PHF24: variants seen among roughly 807,000 people sequenced by gnomAD.
PHF24 encodes the protein Galpha inhibitory interacting protein.
Under a neutral mutation model 42.6 loss-of-function variants are expected in PHF24, and 25 were observed. The observed-to-expected ratio is 0.59, with a 90% CI of 0.43 to 0.82. PHF24 has a LOEUF of 0.82. PHF24 is among the 40% of genes least tolerant of loss of function. PHF24 has a pLI of 0.00. For synonymous variants in PHF24, 185 were observed against 204.8 expected, an observed-to-expected ratio of 0.90 and a Z score of 0.83; for missense variants, 470 against 538.1, an observed-to-expected ratio of 0.87 and a Z score of 1.25.
At chr9:34,823,669 G>A in the PHF24 span, among the ~76,000 whole-genome samples, 8 of 152,214 alleles carry the variant, frequency 5.3e-5, no homozygotes, top group East Asian at 1.5e-3. Context: ...TTTGCTGGAG[G>A]TGGAAACCTG....
chr9:34,937,687 T>C, the PHF24 span, among the ~76,000 whole-genome samples: 908 of 150,206 alleles, frequency 6.0e-3, 6 homozygotes, highest in African/African-American at 0.021. Flanking sequence ...GGCAGAAAGC[T>C]GTCTGGCCTC....
At chr9:34,852,342 G>T in the PHF24 span, among the ~76,000 whole-genome samples, 1 of 152,108 alleles carries the variant, frequency 6.6e-6, no homozygotes, top group Admixed American at 6.5e-5. Context: ...TGCATGGGGG[G>T]GTCAGTGCCC....
chr9:34,747,818 C>T, the PHF24 span, among the ~76,000 whole-genome samples: 2 of 152,124 alleles, frequency 1.3e-5, no homozygotes, highest in Non-Finnish European at 2.9e-5. Flanking sequence ...AAGAGAAACA[C>T]ACACGTGTTC....
the PHF24 span, among the ~76,000 whole-genome samples, chr9:34,942,067 A>G: frequency 1.3e-5 from 2 of 152,208 alleles, no homozygotes; most frequent in Non-Finnish European, 2.9e-5. Flanking sequence ...CAAGGCCTGC[A>G]TTGTGATTCC....
the PHF24 span, among the ~76,000 whole-genome samples, chr9:34,769,649 G>T: frequency 2.6e-5 from 4 of 152,188 alleles, no homozygotes; most frequent in African/African-American, 9.7e-5. Context: ...ACTGAGATTA[G>T]TGCTGTCAGT....
the PHF24 span, among the ~76,000 whole-genome samples, chr9:34,785,267 A>G: frequency 5.3e-5 from 8 of 152,312 alleles, no homozygotes; most frequent in East Asian, 1.4e-3. Context: ...GAATAAAAAG[A>G]GACAAACTCT....
At chr9:34,692,410 G>A in the PHF24 span, among the ~76,000 whole-genome samples, 4 of 152,144 alleles carry the variant, frequency 2.6e-5, no homozygotes, top group Non-Finnish European at 5.9e-5. Context: ...TAAGGAACAT[G>A]AGGCTCAGAG....
the PHF24 span, among the ~76,000 whole-genome samples, chr9:34,900,455 C>T: frequency 2.4e-4 from 37 of 152,158 alleles, no homozygotes; most frequent in African/African-American, 8.2e-4. Context: ...AAAAGTTAGC[C>T]GGACATGGTG....
chr9:34,883,453 A>T, the PHF24 span, among the ~76,000 whole-genome samples: 1 of 152,220 alleles, frequency 6.6e-6, no homozygotes, highest in African/African-American at 2.4e-5. Context: ...GAAAATTTTT[A>T]CAGTCTACCC....
the PHF24 span, among the ~76,000 whole-genome samples, chr9:34,728,331 TGA>T: frequency 6.6e-6 from 1 of 152,238 alleles, no homozygotes; most frequent in Admixed American, 6.5e-5. Context: ...TGGATAAGAA[TGA>T]GAGATGAAAT....
chr9:34,737,132 CACT>C, the PHF24 span, among the ~76,000 whole-genome samples: 1 of 152,136 alleles, frequency 6.6e-6, no homozygotes, highest in African/African-American at 2.4e-5. Context: ...CAATCATCAC[CACT>C]AATTCTAGAA....
chr9:34,826,680 A>G, the PHF24 span, among the ~76,000 whole-genome samples: 6 of 152,114 alleles, frequency 3.9e-5, no homozygotes, highest in East Asian at 1.9e-4. Context: ...CCTCCAGCCA[A>G]TTCCGAAGTG....
At chr9:34,682,909 A>C in the PHF24 span, among the ~76,000 whole-genome samples, 21 of 152,214 alleles carry the variant, frequency 1.4e-4, no homozygotes, top group Non-Finnish European at 2.6e-4. Flanking sequence ...GGCATCTGGC[A>C]GGCTGACCAC....
chr9:34,921,392 A>G, the PHF24 span, among the ~76,000 whole-genome samples: 12 of 152,300 alleles, frequency 7.9e-5, no homozygotes, highest in East Asian at 1.7e-3. Flanking sequence ...AACCTAAAAA[A>G]AAAGTTAAAT....
chr9:34,877,004 A>G, the PHF24 span, among the ~76,000 whole-genome samples: 148 of 152,328 alleles, frequency 9.7e-4, no homozygotes, highest in Non-Finnish European at 1.6e-3. Flanking sequence ...ACATGTGGCC[A>G]GGCATGGTGG....
At chr9:34,862,781 C>T in the PHF24 span, among the ~76,000 whole-genome samples, 1 of 151,504 alleles carries the variant, frequency 6.6e-6, no homozygotes, top group Admixed American at 6.6e-5. Context: ...GTAAAGGGGA[C>T]TTTGTCTTGC....
the PHF24 span, among the ~76,000 whole-genome samples, chr9:34,920,027 T>G: frequency 6.6e-6 from 1 of 152,180 alleles, no homozygotes; most frequent in Non-Finnish European, 1.5e-5. Context: ...AGTGCAGATA[T>G]CTCTTTGATG....
the PHF24 span, among the ~76,000 whole-genome samples, chr9:34,827,562 A>G: frequency 8.4e-6 from 1 of 118,974 alleles, no homozygotes; most frequent in Non-Finnish European, 1.8e-5. Context: ...CCTCCTCCTC[A>G]TGATGGGATG....
chr9:34,671,105 A>G, the PHF24 span, among the ~76,000 whole-genome samples: 2 of 152,206 alleles, frequency 1.3e-5, no homozygotes, highest in Non-Finnish European at 1.5e-5. Context: ...CCATTTTCCT[A>G]TGCCCCAGAG....
Sources: allele counts gnomAD v4.1 joint callset (sites outside exome capture counted in the v4.1 genomes callset), GRCh38; gene constraint gnomAD v4.1.1; transcripts MANE v1.5; gene names NCBI Gene and HGNC (gene_info 2026-07-23, HGNC 2026-07-21).